IKBIP: variants seen among roughly 807,000 people sequenced by gnomAD.
The protein encoded by IKBIP is inhibitor of nuclear factor kappa-B kinase-interacting protein.
Under a neutral mutation model 31.0 loss-of-function variants are expected in IKBIP, and 28 were observed. That is an observed-to-expected ratio of 0.90 (90% CI 0.67 to 1.24). The LOEUF (loss-of-function observed/expected upper bound fraction) is 1.24, where lower values mean the gene tolerates loss of function less well. Ranked by LOEUF, IKBIP falls within the 50% of genes most tolerant of loss-of-function variation. The probability of loss-of-function intolerance (pLI) is 0.00; values close to 1 mark genes in which losing one functional copy is unlikely to be tolerated. For missense variants in IKBIP, 453 were observed against 441.9 expected (o/e 1.03, Z -0.23); for synonymous variants, 164 against 160.3 (o/e 1.02, Z -0.17).
chr12:98,614,137 A>T lies in IKBIP; in HGVS notation c.501T>A (p.Asp167Glu), dbSNP rs746885171. ...TTACACTTGTAATCTTGAGACCAAC[A>T]TCTTTTGCCATGGAAGTTGTACTTT... Residue 167 changes from aspartate (D) to glutamate (E), a missense_variant, in exon 3 of 3, where the codon GAT becomes GAA. Asp to Glu is a conservative substitution (Grantham distance 45). Transcript: ENST00000342502. The T allele has an allele frequency of 3.5e-5, 56 of 1,613,418 alleles. No homozygotes were observed. The Admixed American group carries it at 8.5e-4, about 24-fold the overall frequency.
At chr12:98,633,939 C>T (rs1003850590) in intron 2 of IKBIP, among the ~76,000 whole-genome samples, 7 of 152,166 alleles carry the variant, frequency 4.6e-5, no homozygotes, top group African/African-American at 1.7e-4. Context: ...CAAAGATCAA[C>T]CATATTTTCA....
chr12:98,625,631 AG>A lies in IKBIP; in HGVS notation c.*298del, dbSNP rs1254555832. ...TCAATATATGTGGGTACAATATAAT[AG>A]GTGAAATTAATGATGATGTTCATTA... On this transcript the variant is annotated 3_prime_UTR_variant, in exon 3 of 3. Transcript: ENST00000299157. The A allele has an allele frequency of 5.9e-6, 1 of 170,482 alleles. No homozygotes were observed. Among genetic ancestry groups the A allele is most frequent in the Non-Finnish European group, 1.2e-5 (1 of 80,944 alleles). 10.6% of individuals were successfully genotyped at this position (170,482 alleles called of 1,614,324 possible).
At chr12:98,623,826 G>C (rs2097611940), downstream of IKBIP, among the ~76,000 whole-genome samples, 1 of 150,938 alleles carries the variant, frequency 6.6e-6, no homozygotes, top group African/African-American at 2.5e-5. Flanking sequence ...TTGATACACA[G>C]GAAAGTTTTT....
intron 1 of IKBIP, 67 bp downstream of exon 1, chr12:98,644,456 C>A (rs1476981701): frequency 3.4e-6 from 5 of 1,456,132 alleles, no homozygotes; most frequent in South Asian, 1.3e-5. Flanking sequence ...GGATGTTGAG[C>A]CGGGTGGGAG....
At chr12:98,633,460 C>T (rs1261348507) in intron 2 of IKBIP, among the ~76,000 whole-genome samples, 1 of 140,924 alleles carries the variant, frequency 7.1e-6, no homozygotes, top group Non-Finnish European at 1.5e-5. Flanking sequence ...TCTTATTTGG[C>T]TACAGGACAA....
exon 3 of IKBIP, chr12:98,613,697 T>C: frequency 6.2e-7 from 1 of 1,610,690 alleles, no homozygotes; most frequent in Non-Finnish European, 8.5e-7. Context: ...TTTCTCTCTT[T>C]GTAGTAAGTC....
At chr12:98,629,134 A>G (rs554998921) in intron 2 of IKBIP, among the ~76,000 whole-genome samples, 1 of 152,200 alleles carries the variant, frequency 6.6e-6, no homozygotes, top group Non-Finnish European at 1.5e-5. Context: ...AGTACAAAGA[A>G]TATGTTTGTT....
intron 2 of IKBIP, among the ~76,000 whole-genome samples, chr12:98,629,842 T>C (rs761726216): frequency 1.3e-5 from 2 of 152,248 alleles, no homozygotes; most frequent in African/African-American, 4.8e-5. Context: ...CAAGATGTTA[T>C]AGATTTAATC....
At chr12:98,627,002 C>T (rs114599995) in intron 2 of IKBIP, among the ~76,000 whole-genome samples, 4,430 of 152,102 alleles carry the variant, frequency 0.029, 154 homozygotes, top group African/African-American at 0.08. Context: ...GGAATCTCAC[C>T]CTGTCACCCA....
intron 1 of IKBIP, among the ~76,000 whole-genome samples, chr12:98,642,380 C>T (rs2097631263): frequency 6.6e-6 from 1 of 152,010 alleles, no homozygotes; most frequent in Admixed American, 6.6e-5. Flanking sequence ...AAATTCCTGA[C>T]CTCAAGTGAT....
intron 2 of IKBIP, among the ~76,000 whole-genome samples, chr12:98,632,312 T>C (rs1230982021): frequency 6.7e-6 from 1 of 149,092 alleles, no homozygotes. Context: ...CTCCAAAAAA[T>C]TAAAGAAAAA....
chr12:98,638,284 C>A (rs1259518884), intron 1 of IKBIP, among the ~76,000 whole-genome samples: 1 of 151,938 alleles, frequency 6.6e-6, no homozygotes, highest in Non-Finnish European at 1.5e-5. Flanking sequence ...GGGATAATAC[C>A]TTATTTTAAT....
chr12:98,621,052 A>G (rs1028634093), downstream of IKBIP, among the ~76,000 whole-genome samples: 3 of 152,140 alleles, frequency 2.0e-5, no homozygotes, highest in Non-Finnish European at 4.4e-5. Context: ...GTTCGAGACC[A>G]GCCTAGCCAA....
At chr12:98,634,115 C>T (rs1291760833) in intron 2 of IKBIP, among the ~76,000 whole-genome samples, 181 bp downstream of exon 2, 6 of 152,046 alleles carry the variant, frequency 3.9e-5, no homozygotes. Context: ...CCTTGCCCCT[C>T]AAAATGCAAT....
downstream of IKBIP, chr12:98,624,195 T>C (rs1199544747): frequency 5.2e-6 from 4 of 773,552 alleles, no homozygotes; most frequent in Admixed American, 6.2e-5. Flanking sequence ...GGATATAAGA[T>C]AAGAGATCAC....
chr12:98,632,530 T>A (rs866536207), intron 2 of IKBIP, among the ~76,000 whole-genome samples: 145 of 90,066 alleles, frequency 1.6e-3, no homozygotes, highest in Admixed American at 1.8e-3. Context: ...TATATATATA[T>A]ATATATATAT....
At chr12:98,639,614 A>G (rs2097628677) in intron 1 of IKBIP, among the ~76,000 whole-genome samples, 1 of 152,132 alleles carries the variant, frequency 6.6e-6, no homozygotes, top group Admixed American at 6.5e-5. Context: ...AATGGTTTAC[A>G]TTTTCCTACA....
chr12:98,633,598 C>A (rs936652274), intron 2 of IKBIP, among the ~76,000 whole-genome samples: 8 of 140,832 alleles, frequency 5.7e-5, no homozygotes, highest in Non-Finnish European at 1.1e-4. Flanking sequence ...CTCACTGCAA[C>A]CTCCACCTCC....
At chr12:98,617,933 A>T (rs1395568413) in intron 2 of IKBIP, among the ~76,000 whole-genome samples, 1 of 152,190 alleles carries the variant, frequency 6.6e-6, no homozygotes, top group Non-Finnish European at 1.5e-5. Context: ...TAATAACCAA[A>T]ACTAGTTTGA....
Sources: gnomAD v4.1 joint callset for allele counts (sites outside exome capture counted in the v4.1 genomes callset) on GRCh38, gnomAD v4.1.1 for gene constraint, MANE v1.5 for transcripts, NCBI Gene and HGNC (gene_info 2026-07-23, HGNC 2026-07-21) for gene names.